Variants in KCNH7 observed in about 807,000 individuals in gnomAD.
The protein encoded by KCNH7 is voltage-gated inwardly rectifying potassium channel KCNH7.
In KCNH7, 49 loss-of-function variants were observed where a neutral mutation model predicts 120.8. The observed-to-expected ratio is 0.41, with a 90% CI of 0.32 to 0.51. KCNH7 has a LOEUF of 0.51. Ranked by LOEUF, KCNH7 falls within the 20% of genes least tolerant of loss-of-function variation. KCNH7 has a pLI of 0.38. For synonymous variants in KCNH7, 547 were observed against 516.1 expected, an observed-to-expected ratio of 1.06 and a Z score of -0.81; for missense variants, 1,097 against 1,446.6, an observed-to-expected ratio of 0.76 and a Z score of 3.92.
chr2:162,574,145 C>A (rs1574121462), intron 2 of KCNH7, among the ~76,000 whole-genome samples: 1 of 151,966 alleles, frequency 6.6e-6, no homozygotes. Flanking sequence ...GTGTATTTTG[C>A]ATCTCTAAGG....
chr2:162,831,254 T>C (rs926587024), intron 2 of KCNH7, among the ~76,000 whole-genome samples: 1 of 152,148 alleles, frequency 6.6e-6, no homozygotes, highest in Non-Finnish European at 1.5e-5. Context: ...TTACTTTCAG[T>C]GATTCTTGGC....
chr2:162,462,947 A>T (rs1247338214), intron 6 of KCNH7, among the ~76,000 whole-genome samples: 1 of 152,070 alleles, frequency 6.6e-6, no homozygotes, highest in African/African-American at 2.4e-5. Flanking sequence ...ATTCCTGCTA[A>T]ATTTTCCTAT....
chr2:162,442,578 G>A (rs1200764126), intron 7 of KCNH7, among the ~76,000 whole-genome samples: 1 of 151,978 alleles, frequency 6.6e-6, no homozygotes, highest in Non-Finnish European at 1.5e-5. Context: ...ACATTTTAGG[G>A]CCGGGCACAC....
intron 2 of KCNH7, among the ~76,000 whole-genome samples, chr2:162,724,287 A>AT (rs961573436): frequency 6.6e-6 from 1 of 152,156 alleles, no homozygotes; most frequent in Admixed American, 6.6e-5. Context: ...ATTTCTATAT[A>AT]TTTTTTCCTA....
chr2:162,464,571 G>A (rs1043061861), intron 6 of KCNH7, among the ~76,000 whole-genome samples: 3 of 151,882 alleles, frequency 2.0e-5, no homozygotes, highest in African/African-American at 7.2e-5. Context: ...CGGACTCCTT[G>A]ATTTCCTTAT....
At chr2:162,437,705 GAACTC>G (rs1688289546) in intron 7 of KCNH7, among the ~76,000 whole-genome samples, 1 of 151,998 alleles carries the variant, frequency 6.6e-6, no homozygotes, top group Non-Finnish European at 1.5e-5. Context: ...CAATAAACAG[GAACTC>G]TATGTTTCTA....
At chr2:162,380,928 C>T (rs999210807) in intron 13 of KCNH7, among the ~76,000 whole-genome samples, 2 of 152,078 alleles carry the variant, frequency 1.3e-5, no homozygotes, top group Non-Finnish European at 1.5e-5. Flanking sequence ...CTCCTACAAT[C>T]TATATTTTAA....
intron 2 of KCNH7, among the ~76,000 whole-genome samples, chr2:162,606,243 T>C (rs976945526): frequency 1.3e-5 from 2 of 152,054 alleles, no homozygotes; most frequent in African/African-American, 2.4e-5. Context: ...AGTAATATAT[T>C]TGAGTCTGTA....
At position 162,759,690 on chromosome 2, in the gene KCNH7, C is replaced by CAGGA. The variant is rs1342931060; in HGVS notation, c.307+76843_307+76846dup. Among the ~76,000 whole-genome samples, 6 of 150,146 alleles carry CAGGA rather than the reference C, an allele frequency of 4.0e-5. 1 individual carries two copies. Among genetic ancestry groups the CAGGA allele is most frequent in the African/African-American group, 1.5e-4 (6 of 40,530 alleles). ...AAGGAAGAACATGACAACAGGCAGG[C>CAGGA]AGGAAGGAAGGAAGGAAAAAAGAAA... On this transcript the variant is annotated intron_variant, in intron 2 of 15. Coordinates refer to ENST00000332142, the MANE Select transcript of KCNH7 (RefSeq NM_033272.4).
At chr2:162,504,771 C>G (rs547335609) in intron 5 of KCNH7, 114 bp from the exon 6 acceptor site, 2 of 683,172 alleles carry the variant, frequency 2.9e-6, no homozygotes, top group Admixed American at 2.6e-5. Flanking sequence ...TTGAGTGTGA[C>G]TGAATGCAGC....
chr2:162,804,130 T>C (rs1416685207), intron 2 of KCNH7, among the ~76,000 whole-genome samples: 1 of 151,828 alleles, frequency 6.6e-6, no homozygotes, highest in Non-Finnish European at 1.5e-5. Flanking sequence ...CTCAAGGAAC[T>C]ATACAGATGT....
intron 2 of KCNH7, among the ~76,000 whole-genome samples, chr2:162,618,637 T>TCCA: frequency 6.6e-6 from 1 of 152,186 alleles, no homozygotes; most frequent in Non-Finnish European, 1.5e-5. Context: ...TTTTTGTGTC[T>TCCA]TATTTTTCAT....
chr2:162,555,784 T>C (rs1487665445), intron 2 of KCNH7, among the ~76,000 whole-genome samples: 1 of 152,088 alleles, frequency 6.6e-6, no homozygotes, highest in Non-Finnish European at 1.5e-5. Flanking sequence ...TCTATAAAGA[T>C]TTAGAATCAG....
rs1397932276 is a variant in KCNH7 at position 162,838,601 on chromosome 2, C to T, written c.-83G>A. 1.6e-5 allele frequency: 17 copies of T among 1,046,378 alleles called. No individual in the cohort carries two copies. Among genetic ancestry groups the T allele is most frequent in the Non-Finnish European group, 1.7e-5 (12 of 720,248 alleles). The allele number at this position is 1,046,378 out of a possible 1,614,324, so 64.8% of individuals were successfully genotyped here. ...TCTCCTCGGCTAGAGCCCAGGCCAGCGCGCGAGCCGCTCTTTGTGGCAGAG... is the reference window on the plus strand; with the variant it reads ...TCTCCTCGGCTAGAGCCCAGGCCAGTGCGCGAGCCGCTCTTTGTGGCAGAG... On this transcript the variant is annotated 5_prime_UTR_variant, in exon 1 of 16. Coordinates refer to ENST00000332142, the MANE Select transcript of KCNH7 (RefSeq NM_033272.4).
At chr2:162,741,334 T>C (rs2105410852) in intron 2 of KCNH7, among the ~76,000 whole-genome samples, 1 of 149,934 alleles carries the variant, frequency 6.7e-6, no homozygotes, top group East Asian at 1.9e-4. Context: ...ATAACATATG[T>C]TATTAATTAT....
At chr2:162,541,630 G>A (rs1405181754) in intron 2 of KCNH7, among the ~76,000 whole-genome samples, 1 of 152,092 alleles carries the variant, frequency 6.6e-6, no homozygotes, top group Non-Finnish European at 1.5e-5. Flanking sequence ...ATAAATGGGA[G>A]CAGAATGATG....
At chr2:162,795,163 T>C (rs941402847) in intron 2 of KCNH7, among the ~76,000 whole-genome samples, 23 of 152,102 alleles carry the variant, frequency 1.5e-4, no homozygotes, top group African/African-American at 4.3e-4. Context: ...TTGCCTTGTG[T>C]ATTGTCAATG....
intron 2 of KCNH7, among the ~76,000 whole-genome samples, chr2:162,568,643 A>G (rs953591571): frequency 1.3e-5 from 2 of 151,980 alleles, no homozygotes; most frequent in African/African-American, 2.4e-5. Flanking sequence ...AATGGTATTT[A>G]TGAATCAAAG....
At chr2:162,453,112 CCCCTA>C (rs1688827894) in intron 6 of KCNH7, among the ~76,000 whole-genome samples, 1 of 152,042 alleles carries the variant, frequency 6.6e-6, no homozygotes, top group Non-Finnish European at 1.5e-5. Flanking sequence ...CTCCTCTTGC[CCCCTA>C]CCCCAACAGG....
Sources: gnomAD v4.1 joint callset for allele counts (sites outside exome capture counted in the v4.1 genomes callset) on GRCh38, gnomAD v4.1.1 for gene constraint, MANE v1.5 for transcripts, NCBI Gene and HGNC (gene_info 2026-07-23, HGNC 2026-07-21) for gene names.